The following BAZ2B variants were observed in gnomAD, a reference collection of about 807,000 sequenced individuals.
BAZ2B encodes bromodomain adjacent to zinc finger domain protein 2B.
BAZ2B carries 91 observed loss-of-function variants against 246.0 expected under a neutral mutation model. That is an observed-to-expected ratio of 0.37 (90% confidence interval 0.31 to 0.44). The LOEUF (loss-of-function observed/expected upper bound fraction) is 0.44. Ranked by LOEUF, BAZ2B falls within the 20% of genes least tolerant of loss-of-function variation. The probability of loss-of-function intolerance (pLI) is 1.00; values close to 1 mark genes in which losing one functional copy is unlikely to be tolerated. For synonymous variants in BAZ2B, 855 were observed against 860.0 expected, an observed-to-expected ratio of 0.99 and a Z score of 0.10; for missense variants, 2,332 against 2,533.7, an observed-to-expected ratio of 0.92 and a Z score of 1.71.
chr2:159,452,049 A>G (rs989303267), intron 4 of BAZ2B, among the ~76,000 whole-genome samples: 5 of 152,184 alleles, frequency 3.3e-5, no homozygotes, highest in Admixed American at 1.3e-4. Context: ...CATGCTAGAA[A>G]CTGAATAAAT....
rs776302170 is a variant in BAZ2B at position 159,439,084 on chromosome 2, T to A, written c.825A>T (p.Glu275Asp). 1.9e-6 allele frequency: 3 copies of A among 1,613,554 alleles called. No individual in the cohort carries two copies. Among genetic ancestry groups the A allele is most frequent in the African/African-American group, 1.3e-5 (1 of 74,916 alleles). ...CTTCACTTTCTTCAATACTTTGATC[T>A]TCTTCTTCTTCATCTTCTTCTAGAT... Reference protein sequence around the residue: ...SDDLEEDEEEEDQSIEESEDD... With the variant: ...SDDLEEDEEEDDQSIEESEDD... The change falls in exon 7 of 37, where the codon GAA becomes GAT. Residue 275 changes from glutamate (E) to aspartate (D), a missense_variant. Around this residue, in one of 9 missense-constraint regions of BAZ2B, gnomAD observed 161 missense variants for 225.8 expected, o/e 0.71. Transcript: ENST00000392783.
chr2:159,400,839 G>A (rs1443704331), intron 16 of BAZ2B, among the ~76,000 whole-genome samples, 175 bp from the exon 17 acceptor site: 1 of 152,128 alleles, frequency 6.6e-6, no homozygotes, highest in Non-Finnish European at 1.5e-5. Context: ...AGGAGATCGA[G>A]ACCATCCTGG....
At position 159,382,655 on chromosome 2, in the gene BAZ2B, A is replaced by C; in HGVS notation, c.3909T>G (p.Asp1303Glu). The change falls in exon 25 of 37, where the codon GAT becomes GAG. Residue 1303 changes from aspartate to glutamate, a missense_variant. Physicochemically the swap from Asp to Glu is conservative, Grantham distance 45. This residue lies in a region of BAZ2B where 676 missense variants were observed against 668.6 expected (regional missense o/e 1.01). Coordinates refer to ENST00000392783, the MANE Select transcript of BAZ2B (RefSeq NM_013450.4). The stretch of plus-strand genomic sequence containing the variant: ...CCCCTTGGTCATCACTGTCATCGTC[A>C]TCATCATCGTCATAATCACTGTCTC... ...KGGDSDYDDDDDDDSDDQGDE... is the reference protein window; with the variant it reads ...KGGDSDYDDDEDDDSDDQGDE... The C allele has an allele frequency of 6.3e-7, 1 of 1,598,676 alleles. No individual in the cohort carries two copies. Among genetic ancestry groups the C allele is most frequent in the East Asian group, 2.3e-5 (1 of 44,400 alleles).
chr2:159,420,292 T>C (rs2068505814), intron 13 of BAZ2B, among the ~76,000 whole-genome samples: 1 of 152,216 alleles, frequency 6.6e-6, no homozygotes, highest in African/African-American at 2.4e-5. Context: ...GCCACACATA[T>C]TTACTGATTA....
In BAZ2B at chr2:159,386,581, T is replaced by C. The variant is rs559391772; in HGVS notation, c.3243A>G (p.Pro1081=). The change falls in exon 22 of 37, where the codon CCA becomes CCG. Residue 1081 remains proline (P), a synonymous_variant. Coordinates refer to ENST00000392783, the MANE Select transcript of BAZ2B (RefSeq NM_013450.4). ...ATGTACTTCCAGAGAGAACAAGTCC[T>C]GGAATACGAGGCAACTCTGGCAAAG... ...QKPLPELPRI[P]GLVLSGSTFS... 4 of 1,610,592 alleles carry C rather than the reference T, an allele frequency of 2.5e-6. No homozygotes were observed. Among genetic ancestry groups the C allele is most frequent in the Middle Eastern group, 1.7e-4 (1 of 6,038 alleles).
intron 2 of BAZ2B, among the ~76,000 whole-genome samples, chr2:159,508,926 C>G (rs2082620899): frequency 6.6e-6 from 1 of 152,060 alleles, no homozygotes; most frequent in African/African-American, 2.4e-5. Context: ...CAAAGTTTCC[C>G]TGTTTTAATA....
intron 2 of BAZ2B, among the ~76,000 whole-genome samples, chr2:159,539,452 A>T (rs2086397463): frequency 6.6e-6 from 1 of 152,274 alleles, no homozygotes; most frequent in Non-Finnish European, 1.5e-5. Flanking sequence ...AGAATTTATA[A>T]TAATGCTTTA....
the BAZ2B span, among the ~76,000 whole-genome samples, chr2:159,653,390 A>C: frequency 6.6e-6 from 1 of 152,204 alleles, no homozygotes; most frequent in African/African-American, 2.4e-5. Flanking sequence ...AGTATTTTGG[A>C]ATTTGTTCAA....
At chr2:159,614,237 T>G (rs1479691680) in intron 1 of BAZ2B, among the ~76,000 whole-genome samples, 1 of 152,204 alleles carries the variant, frequency 6.6e-6, no homozygotes, top group East Asian at 1.9e-4. Context: ...CGAAAAACTA[T>G]GTTAGACAAG....
At chr2:159,451,007 G>A (rs1205697672) in intron 4 of BAZ2B, among the ~76,000 whole-genome samples, 3 of 152,044 alleles carry the variant, frequency 2.0e-5, no homozygotes, top group African/African-American at 7.2e-5. Flanking sequence ...TAGGCACGAG[G>A]CACCATGGCC....
At chr2:159,605,520 ATC>A (rs1693281607) in intron 1 of BAZ2B, among the ~76,000 whole-genome samples, 1 of 152,312 alleles carries the variant, frequency 6.6e-6, no homozygotes, top group South Asian at 2.1e-4. Context: ...TGCAAAAATA[ATC>A]TATTTCACAA....
At chr2:159,609,263 A>C (rs1319584503) in intron 1 of BAZ2B, among the ~76,000 whole-genome samples, 2 of 152,200 alleles carry the variant, frequency 1.3e-5, no homozygotes, top group Non-Finnish European at 2.9e-5. Context: ...GTGACTCAAA[A>C]AGCAAAAGAG....
At chr2:159,556,527 C>T (rs1026393800) in intron 1 of BAZ2B, among the ~76,000 whole-genome samples, 4 of 139,474 alleles carry the variant, frequency 2.9e-5, no homozygotes, top group Admixed American at 1.4e-4. Flanking sequence ...GTGGCGCGAT[C>T]GTGGCTCACT....
chr2:159,703,444 A>T, the BAZ2B span, among the ~76,000 whole-genome samples: 2 of 152,232 alleles, frequency 1.3e-5, 1 homozygote, highest in South Asian at 4.1e-4. Context: ...CTTAAAAAAT[A>T]CCTTAATAAA....
the BAZ2B span, among the ~76,000 whole-genome samples, chr2:159,678,654 T>C: frequency 6.6e-6 from 1 of 152,180 alleles, no homozygotes; most frequent in Non-Finnish European, 1.5e-5. Flanking sequence ...CTTACTATTC[T>C]ACATTTTTTC....
At chr2:159,400,307 G>A (rs1422099011) in intron 17 of BAZ2B, among the ~76,000 whole-genome samples, 1 of 151,930 alleles carries the variant, frequency 6.6e-6, no homozygotes, top group Non-Finnish European at 1.5e-5. Flanking sequence ...TTTTTCTTTT[G>A]TTGTTTACTT....
the BAZ2B span, among the ~76,000 whole-genome samples, chr2:159,687,943 T>C: frequency 6.6e-6 from 1 of 152,242 alleles, no homozygotes; most frequent in Non-Finnish European, 1.5e-5. Context: ...GGAAAATTGA[T>C]ACATTTGGTA....
intron 31 of BAZ2B, 149 bp from the exon 32 acceptor site, chr2:159,337,921 G>T: frequency 3.0e-6 from 2 of 675,472 alleles, no homozygotes; most frequent in Non-Finnish European, 4.6e-6. Context: ...AAACTAGGTG[G>T]AAATAAGAAG....
intron 2 of BAZ2B, among the ~76,000 whole-genome samples, chr2:159,533,930 T>C (rs2085643883): frequency 6.6e-6 from 1 of 152,210 alleles, no homozygotes; most frequent in African/African-American, 2.4e-5. Flanking sequence ...TACTTAACAT[T>C]TCTAACGAAA....
Sources: allele counts gnomAD v4.1 joint callset (sites outside exome capture counted in the v4.1 genomes callset), GRCh38; gene constraint gnomAD v4.1.1; regional missense constraint gnomAD v4.1.1; transcripts MANE v1.5; gene names NCBI Gene and HGNC (gene_info 2026-07-23, HGNC 2026-07-21).